The following SPAG7 variants were observed in gnomAD, a reference collection of about 807,000 sequenced individuals.
The protein encoded by SPAG7 is sperm associated antigen 7.
In SPAG7, 20 loss-of-function variants were observed where a neutral mutation model predicts 30.6. The ratio of observed to expected loss-of-function variants is 0.65; its 90% CI spans 0.46 to 0.95. SPAG7 has a LOEUF of 0.95. Ranked by LOEUF, SPAG7 falls within the 40% of genes least tolerant of loss-of-function variation. SPAG7 has a pLI of 0.00. For missense variants in SPAG7, 276 were observed against 291.1 expected (o/e 0.95, Z 0.38); for synonymous variants, 127 against 104.2 (o/e 1.22, Z -1.33).
Position 4,959,799 on chromosome 17 carries a change from C to T in SPAG7, c.535G>A (p.Ala179Thr), listed in dbSNP as rs1050465869. The T allele has an allele frequency of 5.6e-6, 9 of 1,614,062 alleles. No individual in the cohort carries two copies. The South Asian group carries it at 6.6e-5, about 12-fold the overall frequency. ...TTATTGGCCTGTAGCATGTGGGCTGCGTCTTTGGCTGCTCCCTTGCCGATG... is the reference window on the plus strand; with the variant it reads ...TTATTGGCCTGTAGCATGTGGGCTGTGTCTTTGGCTGCTCCCTTGCCGATG... The part of the protein sequence containing the change: ...HLIGKGAAKD[A>T]AHMLQANKTY... The change falls in exon 6 of 7, where the codon GCA becomes ACA. Residue 179 changes from alanine to threonine, a missense_variant. Coordinates refer to ENST00000206020, the MANE Select transcript of SPAG7 (RefSeq NM_004890.3).
At chr17:4,966,150 G>C (rs940253002) in intron 1 of SPAG7, 2 of 152,146 alleles carry the variant, frequency 1.3e-5, no homozygotes, top group African/African-American at 4.8e-5. Flanking sequence ...GCCAATTTTT[G>C]TATTTTTTGT....
In SPAG7 at chr17:4,959,648, G is replaced by A. The variant is rs889216755; in HGVS notation, c.575-5C>T. On this transcript the variant is annotated splice_polypyrimidine_tract_variant and splice_region_variant and intron_variant, in intron 6 of 6. Coordinates refer to ENST00000206020, the MANE Select transcript of SPAG7 (RefSeq NM_004890.3). ...CCCTCTTATTGGCCACGGGCACTAG[G>A]GGCAGAGAGGAGGGTAGGGCGGGCC... 1.2e-6 allele frequency: 2 copies of A among 1,613,798 alleles called. No homozygotes were observed. The highest frequency in any genetic ancestry group is 1.6e-4 in the Middle Eastern group (1 of 6,062).
intron 1 of SPAG7, among the ~76,000 whole-genome samples, chr17:4,965,561 C>T (rs1179374947): frequency 6.6e-6 from 1 of 151,936 alleles, no homozygotes; most frequent in Non-Finnish European, 1.5e-5. Context: ...TCCTGGAGGG[C>T]AGGGACCCTG....
chr17:4,963,451 A>ATTTT lies in SPAG7; in HGVS notation c.86-2602_86-2599dup, dbSNP rs35484038. On this transcript the variant is annotated intron_variant, in intron 1 of 6. Coordinates refer to ENST00000206020, the MANE Select transcript of SPAG7 (RefSeq NM_004890.3). ...CATCTCGTTTACACAGGAAAGGGGAATTTTTTTTTTTTTTTTTTTTTTTTT... is the reference window on the plus strand; with the variant it reads ...CATCTCGTTTACACAGGAAAGGGGAATTTTTTTTTTTTTTTTTTTTTTTTTTTTT... Among the ~76,000 whole-genome samples, 33 of 103,224 alleles carry ATTTT rather than the reference A, an allele frequency of 3.2e-4. 1 individual carries two copies. The highest frequency in any genetic ancestry group is 8.2e-4 in the African/African-American group (20 of 24,250). The allele number at this position is 103,224 out of a possible 152,430, so 67.7% of individuals were successfully genotyped here. A position where few individuals can be genotyped will look rare whatever the true frequency, so the allele number is the denominator to read the frequency against.
Position 4,959,526 on chromosome 17 carries a change from C to T in SPAG7, c.*8G>A, listed in dbSNP as rs755755865. 24 of 1,609,246 alleles carry T rather than the reference C, an allele frequency of 1.5e-5. No individual in the cohort carries two copies. Among genetic ancestry groups the T allele is most frequent in the African/African-American group, 8.0e-5 (6 of 74,854 alleles). Reference sequence around the variant, plus strand: ...GCCCCAGGGGTCAAAGGGAGCTGGGCGGGGCGCCTAGGAGGTTGGCGGCAA... The same window carrying T: ...GCCCCAGGGGTCAAAGGGAGCTGGGTGGGGCGCCTAGGAGGTTGGCGGCAA... On this transcript the variant is annotated 3_prime_UTR_variant, in exon 7 of 7. Coordinates refer to ENST00000206020, the MANE Select transcript of SPAG7 (RefSeq NM_004890.3).
chr17:4,959,716 C>G, intron 6 of SPAG7, 44 bp downstream of exon 6: 1 of 1,614,086 alleles, frequency 6.2e-7, no homozygotes. Flanking sequence ...CTGCCGCATC[C>G]TATGCTCCTC....
rs201998307 is a variant in SPAG7 at position 4,960,117 on chromosome 17, G to A, written c.328-6C>T. The A allele has an allele frequency of 2.6e-5, 42 of 1,611,316 alleles. No individual in the cohort carries two copies. The East Asian group carries it at 8.7e-4, about 33-fold the overall frequency. ...TCATCTGAGGGTGCAAACTCCTGAA[G>A]AAGAGCAGAATGATGGGGTCAGAGT... On this transcript the variant is annotated splice_polypyrimidine_tract_variant and splice_region_variant and intron_variant, in intron 4 of 6. Transcript: ENST00000206020.
rs767825449 is a variant in SPAG7 at position 4,967,745 on chromosome 17, G to A, written c.60C>T (p.Asp20=). Residue 20 remains aspartate, a synonymous_variant, in exon 1 of 7, where the codon GAC becomes GAT. Coordinates refer to ENST00000206020, the MANE Select transcript of SPAG7 (RefSeq NM_004890.3). ...CTCGGGCCTTGCGCCGAGTCTCCTG[G>A]TCACCGAGGCTGGGTGGCTTCTCCA... ...SSMEKPPSLG[D]QETRRKAREQ... is the part of the protein sequence containing the mutation. 2 of 1,614,074 alleles carry A rather than the reference G, an allele frequency of 1.2e-6. No homozygotes were observed. Among genetic ancestry groups the A allele is most frequent in the Non-Finnish European group, 1.7e-6 (2 of 1,179,960 alleles).
At chr17:4,960,924 G>C in intron 1 of SPAG7, 71 bp from the exon 2 acceptor site, 1 of 1,322,092 alleles carries the variant, frequency 7.6e-7, no homozygotes, top group Non-Finnish European at 1.1e-6. Context: ...AAGGCTTCAA[G>C]TGAAGTGTGG....
chr17:4,960,027 G>C lies in SPAG7; in HGVS notation c.412C>G (p.Leu138Val), dbSNP rs1971835069. 6.2e-7 allele frequency: 1 copy of C among 1,614,080 alleles called. No individual in the cohort carries two copies. The highest frequency in any genetic ancestry group is 1.3e-5 in the African/African-American group (1 of 75,060). ...GGCTGCAAAGCATAGCTCACCTTCA[G>C]CTTCCGCTTCTCCTCAGCCTTCTGG... ...DPQKAEEKRKLKELAQRQEEE... is the reference protein window; with the variant it reads ...DPQKAEEKRKVKELAQRQEEE... The change falls in exon 5 of 7, where the codon CTG becomes GTG. Residue 138 changes from leucine (L) to valine (V), a missense_variant. Physicochemically the swap from Leu to Val is conservative, Grantham distance 32 (BLOSUM62 1). Coordinates refer to ENST00000206020, the MANE Select transcript of SPAG7 (RefSeq NM_004890.3).
At position 4,959,567 on chromosome 17, in the gene SPAG7, C is replaced by A; in HGVS notation, c.651G>T (p.Arg217=). The change falls in exon 7 of 7, where the codon CGG becomes CGT. Residue 217 remains arginine, a synonymous_variant. Transcript: ENST00000206020. ...TTGGCGGCAACTCTTCCCCACTCTG[C>A]CGCAGACGCTTCTTGGCTCTGATCT... The part of the protein sequence containing the change: ...MNEIRAKKRL[R]QSGEELPPTS 2 of 1,613,924 alleles carry A rather than the reference C, an allele frequency of 1.2e-6. No homozygotes were observed. The highest frequency in any genetic ancestry group is 8.5e-7 in the Non-Finnish European group (1 of 1,180,006).
Position 4,959,488 on chromosome 17 carries a change from T to A in SPAG7, c.*46A>T. ...TAATAGCAGCAGCCTTGTCTCTCCCTGCCCCCTGCCCTGCCCCAGGGGTCA... is the reference window on the plus strand; with the variant it reads ...TAATAGCAGCAGCCTTGTCTCTCCCAGCCCCCTGCCCTGCCCCAGGGGTCA... On this transcript the variant is annotated 3_prime_UTR_variant, in exon 7 of 7. Transcript: ENST00000206020. 2.0e-6 allele frequency: 3 copies of A among 1,502,536 alleles called. No homozygotes were observed. Among genetic ancestry groups the A allele is most frequent in the Non-Finnish European group, 1.8e-6 (2 of 1,086,370 alleles). 93.1% of individuals were successfully genotyped at this position (1,502,536 alleles called of 1,614,324 possible).
intron 1 of SPAG7, chr17:4,965,826 G>GTTTGTTTATTTATTTATTTATTTA (rs1555555822): frequency 1.1e-4 from 16 of 148,512 alleles, no homozygotes; most frequent in Non-Finnish European, 1.6e-4. Flanking sequence ...CCCAGCTAAT[G>GTTTGTTTATTTATTTATTTATTTA]TTTATTTATT....
chr17:4,963,087 T>C (rs1023358733), intron 1 of SPAG7, among the ~76,000 whole-genome samples: 2 of 151,698 alleles, frequency 1.3e-5, no homozygotes, highest in Non-Finnish European at 2.9e-5. Context: ...TCTTTGTACA[T>C]TGTGGGCATT....
intron 1 of SPAG7, among the ~76,000 whole-genome samples, chr17:4,965,523 T>A (rs1323517582): frequency 6.6e-6 from 1 of 152,074 alleles, no homozygotes; most frequent in East Asian, 1.9e-4. Context: ...ACTTCTTTTT[T>A]TTTTGTCTCC....
At chr17:4,967,132 C>A in intron 1 of SPAG7, 1 of 986,288 alleles carries the variant, frequency 1.0e-6, no homozygotes, top group Non-Finnish European at 1.2e-6. Context: ...CTACGATCCG[C>A]CCGGGCAGCT....
At chr17:4,963,066 C>T (rs896140851) in intron 1 of SPAG7, among the ~76,000 whole-genome samples, 1 of 151,904 alleles carries the variant, frequency 6.6e-6, no homozygotes, top group East Asian at 1.9e-4. Context: ...CATGCCTGGA[C>T]TATAGTTAGT....
At chr17:4,960,210 G>A in intron 4 of SPAG7, 24 bp downstream of exon 4, 2 of 1,610,118 alleles carry the variant, frequency 1.2e-6, no homozygotes, top group Admixed American at 1.7e-5. Flanking sequence ...GGAGAGGAGA[G>A]AATGAGGAAT....
intron 1 of SPAG7, among the ~76,000 whole-genome samples, chr17:4,962,599 T>C (rs951700562): frequency 2.0e-5 from 3 of 152,180 alleles, no homozygotes; most frequent in African/African-American, 7.2e-5. Context: ...TTAAAAATAT[T>C]TGTGAGATGA....
Sources: allele counts gnomAD v4.1 joint callset (sites outside exome capture counted in the v4.1 genomes callset), GRCh38; gene constraint gnomAD v4.1.1; transcripts MANE v1.5; gene names NCBI Gene and HGNC (gene_info 2026-07-23, HGNC 2026-07-21).